SPATA13: variants seen among roughly 807,000 people sequenced by gnomAD.
SPATA13 encodes the protein spermatogenesis-associated protein 13.
In SPATA13, 50 loss-of-function variants were observed where a neutral mutation model predicts 104.0. The ratio of observed to expected loss-of-function variants is 0.48; its 90% confidence interval spans 0.38 to 0.61. SPATA13 has a LOEUF of 0.61. Ranked by LOEUF, SPATA13 falls within the 20% of genes least tolerant of loss-of-function variation. The pLI is 0.00. For missense variants in SPATA13, 1,524 were observed against 1,690.6 expected (o/e 0.90, Z 1.73); for synonymous variants, 606 against 667.5 (o/e 0.91, Z 1.42).
chr13:24,185,037 G>C (rs1054261237), intron 1 of SPATA13, among the ~76,000 whole-genome samples: 1 of 152,138 alleles, frequency 6.6e-6, no homozygotes. Flanking sequence ...CACGTGTATC[G>C]AGCATTGTGT....
In SPATA13 at chr13:24,249,546, C is replaced by G. The variant is rs1873356222; in HGVS notation, c.1723C>G (p.Pro575Ala). 6.2e-7 allele frequency: 1 copy of G among 1,613,122 alleles called. No individual in the cohort carries two copies. The highest frequency in any genetic ancestry group is 1.3e-5 in the African/African-American group (1 of 75,010). ...GGAAAGGACAGAGGCACAGAGAACC[C>G]CCAAGAGGAGATGGGGCTCTGGGAG... Reference protein sequence around the residue: ...DEERTEAQRTPKRRWGSGRRP... With the variant: ...DEERTEAQRTAKRRWGSGRRP... Residue 575 changes from proline (P) to alanine (A), a missense_variant, in exon 3 of 13, where the codon CCC becomes GCC. Physicochemically the swap from Pro to Ala is conservative, Grantham distance 27. Transcript: ENST00000382108.
At chr13:24,228,773 T>C (rs964524650) in intron 2 of SPATA13, among the ~76,000 whole-genome samples, 4 of 152,244 alleles carry the variant, frequency 2.6e-5, no homozygotes, top group Non-Finnish European at 4.4e-5. Context: ...TTTAAACTTA[T>C]TGTTGAATAT....
At chr13:24,062,933 A>G (rs911680527) in intron 3 of SPATA13, among the ~76,000 whole-genome samples, 4 of 152,194 alleles carry the variant, frequency 2.6e-5, no homozygotes, top group African/African-American at 4.8e-5. Context: ...GCCATCTGAC[A>G]GTGCCAGGGC....
At chr13:24,299,171 C>T (rs1381991077) in intron 11 of SPATA13, among the ~76,000 whole-genome samples, 1 of 152,216 alleles carries the variant, frequency 6.6e-6, no homozygotes, top group East Asian at 1.9e-4. Context: ...GCCCTGAAGT[C>T]ATCTGTAAGT....
intron 3 of SPATA13, among the ~76,000 whole-genome samples, chr13:24,075,242 T>C (rs564647673): frequency 6.6e-6 from 1 of 152,336 alleles, no homozygotes; most frequent in Admixed American, 6.5e-5. Context: ...TTTTTCTTCA[T>C]AGTTAATCTC....
chr13:24,185,784 T>G lies in SPATA13; in HGVS notation c.-112+24852T>G, dbSNP rs967023938. 2.7e-5 allele frequency among the ~76,000 whole-genome samples: 4 copies of G among 147,052 alleles called. No individual in the cohort carries two copies. In the Admixed American group the frequency reaches 2.7e-4, roughly 10 times the overall value. Reference sequence around the variant, plus strand: ...TTCTCCAGAGAAAGAACTAAAAGAATGTGTGTGTGTGCGCACACACATACA... The same window carrying G: ...TTCTCCAGAGAAAGAACTAAAAGAAGGTGTGTGTGTGCGCACACACATACA... On this transcript the variant is annotated intron_variant, in intron 1 of 12. Transcript: ENST00000382108.
At chr13:24,263,097 C>T (rs929970718) in intron 4 of SPATA13, among the ~76,000 whole-genome samples, 6 of 152,092 alleles carry the variant, frequency 3.9e-5, no homozygotes, top group Admixed American at 6.6e-5. Flanking sequence ...AAAGAAAAGC[C>T]GTAGCAGGTG....
intron 2 of SPATA13, among the ~76,000 whole-genome samples, chr13:24,013,238 C>T (rs1278622388): frequency 1.3e-5 from 2 of 152,204 alleles, no homozygotes; most frequent in Non-Finnish European, 2.9e-5. Flanking sequence ...GGAACTTCTC[C>T]TCAGCTCAGC....
At chr13:24,178,322 A>G (rs777662189) in intron 1 of SPATA13, among the ~76,000 whole-genome samples, 10 of 152,210 alleles carry the variant, frequency 6.6e-5, no homozygotes, top group Non-Finnish European at 1.3e-4. Flanking sequence ...ATTAGCAGAA[A>G]TGTATTGAAC....
At chr13:24,029,705 G>T (rs1453856032) in intron 3 of SPATA13, among the ~76,000 whole-genome samples, 1 of 152,040 alleles carries the variant, frequency 6.6e-6, no homozygotes, top group Non-Finnish European at 1.5e-5. Context: ...TTGTTGTACA[G>T]ATTATTTCAT....
In SPATA13 at chr13:24,119,646, C is replaced by T. The variant is rs540605057; in HGVS notation, c.-112+101945C>T. Among the ~76,000 whole-genome samples, 4 of 152,288 alleles carry T rather than the reference C, an allele frequency of 2.6e-5. No individual in the cohort carries two copies. In the East Asian group the frequency reaches 7.7e-4, roughly 29 times the overall value. On this transcript the variant is annotated intron_variant, in intron 3 of 14. Coordinates refer to the SPATA13 transcript ENST00000424834. ...TGACTTGCTTAGAACAGCAGAGCCCCTTTGCAAGCTTTGTCTCATCTGTGT... is the reference window on the plus strand; with the variant it reads ...TGACTTGCTTAGAACAGCAGAGCCCTTTTGCAAGCTTTGTCTCATCTGTGT...
intron 2 of SPATA13, among the ~76,000 whole-genome samples, chr13:24,233,545 A>G (rs1872394717): frequency 6.6e-6 from 1 of 152,212 alleles, no homozygotes; most frequent in Non-Finnish European, 1.5e-5. Flanking sequence ...CAGAAATACT[A>G]AATCATAGAA....
In SPATA13 at chr13:24,181,836, C is replaced by T. The variant is rs567166821; in HGVS notation, c.-112+20904C>T. Among the ~76,000 whole-genome samples the T allele has an allele frequency of 8.1e-4, 21 of 26,080 alleles. 1 individual carries two copies. The South Asian group carries it at 0.017, about 21-fold the overall frequency. The allele number at this position is 26,080 out of a possible 152,430, so 17.1% of individuals were successfully genotyped here. A position where few individuals can be genotyped will look rare whatever the true frequency, so the allele number is the denominator to read the frequency against. On this transcript the variant is annotated intron_variant, in intron 1 of 12. Coordinates refer to ENST00000382108, the MANE Select transcript of SPATA13 (RefSeq NM_001166271.3). ...GAACTATAAAAAGTATAGTATAGGC[C>T]GGGTGTGGTGGCTTACACCTATAAT...
intron 1 of SPATA13, chr13:23,980,067 G>C (rs886256233): frequency 6.6e-6 from 1 of 152,458 alleles, no homozygotes; most frequent in African/African-American, 2.4e-5. Flanking sequence ...AGCGGCTCCG[G>C]GTAGGAGAAG....
intron 2 of SPATA13, among the ~76,000 whole-genome samples, chr13:24,001,673 G>C (rs1875977729): frequency 6.6e-6 from 1 of 152,096 alleles, no homozygotes; most frequent in South Asian, 2.1e-4. Flanking sequence ...AGCAGGAGGG[G>C]TGAGGAGTTT....
intron 3 of SPATA13, among the ~76,000 whole-genome samples, chr13:24,042,935 A>G (rs1593295527): frequency 6.6e-6 from 1 of 152,234 alleles, no homozygotes; most frequent in African/African-American, 2.4e-5. Context: ...GAATGATGCA[A>G]ATGTATAAAA....
intron 3 of SPATA13, among the ~76,000 whole-genome samples, chr13:24,117,187 C>G (rs939492282): frequency 6.6e-6 from 1 of 152,110 alleles, no homozygotes; most frequent in Admixed American, 6.5e-5. Context: ...ACAACTGTAC[C>G]TACATTGTAG....
At chr13:24,210,610 A>G (rs954535876) in intron 1 of SPATA13, among the ~76,000 whole-genome samples, 2 of 151,838 alleles carry the variant, frequency 1.3e-5, no homozygotes, top group South Asian at 2.1e-4. Context: ...CTGTTGGTCT[A>G]TGTGTCTGTT....
chr13:24,081,827 C>T (rs1045239090), intron 3 of SPATA13, among the ~76,000 whole-genome samples: 2 of 152,208 alleles, frequency 1.3e-5, no homozygotes, highest in African/African-American at 4.8e-5. Flanking sequence ...TCTCTTCTGT[C>T]CCCCTGGGTT....
Sources: allele counts gnomAD v4.1 joint callset (sites outside exome capture counted in the v4.1 genomes callset), GRCh38; gene constraint gnomAD v4.1.1; transcripts MANE v1.5; gene names NCBI Gene and HGNC (gene_info 2026-07-23, HGNC 2026-07-21).